The following DCC variants were observed in gnomAD, a reference collection of about 807,000 sequenced individuals.
DCC encodes the protein netrin receptor DCC.
DCC carries 58 observed loss-of-function variants against 172.5 expected under a neutral mutation model. That is an observed-to-expected ratio of 0.34 (90% confidence interval 0.27 to 0.42). The LOEUF (loss-of-function observed/expected upper bound fraction) is 0.42, where lower values mean the gene tolerates loss of function less well. Among genes scored for constraint, DCC ranks in the 10% least tolerant of loss-of-function variants. The pLI is 1.00. For missense variants in DCC, 1,740 were observed against 1,791.0 expected, an observed-to-expected ratio of 0.97 and a Z score of 0.51; for synonymous variants, 709 against 644.5, an observed-to-expected ratio of 1.10 and a Z score of -1.52.
chr18:53,218,696 T>C (rs2055888576), intron 12 of DCC, among the ~76,000 whole-genome samples: 1 of 152,126 alleles, frequency 6.6e-6, no homozygotes, highest in South Asian at 2.1e-4. Context: ...TTACAAGAAA[T>C]AGTATCTTTT....
intron 1 of DCC, among the ~76,000 whole-genome samples, chr18:52,628,819 C>T (rs149791254): frequency 7.4e-4 from 112 of 152,332 alleles, no homozygotes; most frequent in African/African-American, 2.6e-3. Flanking sequence ...GATTCAGAGT[C>T]ACTTCACCAC....
At chr18:53,428,302 T>C (rs1443123541) in intron 21 of DCC, among the ~76,000 whole-genome samples, 21 of 45,116 alleles carry the variant, frequency 4.7e-4, no homozygotes, top group Non-Finnish European at 4.5e-5. Flanking sequence ...TATAATAATA[T>C]ATAGAATATA....
chr18:52,617,235 G>A (rs982791730), intron 1 of DCC, among the ~76,000 whole-genome samples: 1 of 152,110 alleles, frequency 6.6e-6, no homozygotes, highest in Non-Finnish European at 1.5e-5. Context: ...ATTATTAAGT[G>A]TCTATTAAAA....
chr18:52,923,342 A>G (rs534425288), intron 3 of DCC, among the ~76,000 whole-genome samples: 3 of 152,298 alleles, frequency 2.0e-5, no homozygotes, highest in African/African-American at 7.2e-5. Flanking sequence ...AGTAGAATAG[A>G]TATTGGTGGT....
intron 15 of DCC, among the ~76,000 whole-genome samples, chr18:53,350,009 T>C (rs1216102778): frequency 6.6e-6 from 1 of 152,272 alleles, no homozygotes; most frequent in African/African-American, 2.4e-5. Flanking sequence ...AGTATAGTGT[T>C]CAACTTCTTA....
intron 2 of DCC, among the ~76,000 whole-genome samples, chr18:52,840,998 T>A (rs2038796279): frequency 6.6e-6 from 1 of 151,964 alleles, no homozygotes; most frequent in South Asian, 2.1e-4. Context: ...ATACAATGAC[T>A]GGGTGTGGAA....
At chr18:52,883,501 A>G (rs2039523814) in intron 2 of DCC, among the ~76,000 whole-genome samples, 1 of 151,542 alleles carries the variant, frequency 6.6e-6, no homozygotes, top group Non-Finnish European at 1.5e-5. Context: ...TGAGGTTACC[A>G]TGAGGCTTGC....
intron 2 of DCC, among the ~76,000 whole-genome samples, chr18:52,879,567 T>C (rs538288400): frequency 7.6e-4 from 116 of 151,810 alleles, no homozygotes. Context: ...GTAGAGCTGG[T>C]ATTACAAGCA....
intron 5 of DCC, among the ~76,000 whole-genome samples, chr18:52,975,628 G>T (rs532338924): frequency 6.6e-6 from 1 of 152,054 alleles, no homozygotes; most frequent in Admixed American, 6.6e-5. Context: ...TTCTGTTCCT[G>T]TGTTAGTTTG....
intron 8 of DCC, among the ~76,000 whole-genome samples, chr18:53,176,366 G>C (rs1360717711): frequency 4.3e-5 from 6 of 138,706 alleles, no homozygotes; most frequent in Admixed American, 7.4e-5. Flanking sequence ...CACAGCAAAA[G>C]AAACTACCAT....
chr18:52,849,618 G>A (rs115440397), intron 2 of DCC, among the ~76,000 whole-genome samples: 2,083 of 152,202 alleles, frequency 0.014, 33 homozygotes, highest in African/African-American at 0.047. Context: ...TCTCAGCTTT[G>A]TTTTAATAAA....
chr18:52,557,012 C>T (rs185242780), intron 1 of DCC, among the ~76,000 whole-genome samples: 13 of 152,284 alleles, frequency 8.5e-5, no homozygotes, highest in South Asian at 6.2e-4. Flanking sequence ...GATTGAAATA[C>T]GTAGCACGGT....
At chr18:52,838,441 GTTGTACACA>G (rs1568136079) in intron 2 of DCC, among the ~76,000 whole-genome samples, 25 of 152,078 alleles carry the variant, frequency 1.6e-4, no homozygotes, top group East Asian at 7.8e-4. Context: ...AAATTCTACA[GTTGTACACA>G]ATGTCAGTGA....
chr18:52,542,238 A>G (rs1268627832), intron 1 of DCC, among the ~76,000 whole-genome samples: 1 of 151,872 alleles, frequency 6.6e-6, no homozygotes, highest in African/African-American at 2.4e-5. Context: ...TAAATATTTA[A>G]TTCAATAGTA....
At chr18:52,882,860 T>G (rs914449713) in intron 2 of DCC, among the ~76,000 whole-genome samples, 3 of 152,078 alleles carry the variant, frequency 2.0e-5, no homozygotes, top group Non-Finnish European at 2.9e-5. Flanking sequence ...TGGGGTGTTG[T>G]CCAGCTGTTA....
chr18:53,341,723 A>G (rs567666427), intron 15 of DCC, among the ~76,000 whole-genome samples: 1 of 152,284 alleles, frequency 6.6e-6, no homozygotes, highest in South Asian at 2.1e-4. Context: ...TGTTTTCACT[A>G]TTTAGCCAAA....
chr18:53,178,127 G>A (rs2055137006), intron 8 of DCC, among the ~76,000 whole-genome samples: 1 of 152,112 alleles, frequency 6.6e-6, no homozygotes, highest in African/African-American at 2.4e-5. Context: ...TATATGTTAA[G>A]TTCCAATGAG....
intron 7 of DCC, 28 bp from the exon 8 acceptor site, chr18:53,157,328 C>A: frequency 6.2e-7 from 1 of 1,613,838 alleles, no homozygotes; most frequent in Non-Finnish European, 8.5e-7. Context: ...AGCGACACCT[C>A]TGATAGCCTC....
intron 5 of DCC, among the ~76,000 whole-genome samples, chr18:52,934,139 T>A (rs1348115984): frequency 6.6e-6 from 1 of 152,108 alleles, no homozygotes; most frequent in Admixed American, 6.6e-5. Flanking sequence ...AAAATGTACA[T>A]AACAGCAACT....
Sources: allele counts gnomAD v4.1 joint callset (sites outside exome capture counted in the v4.1 genomes callset), GRCh38; gene constraint gnomAD v4.1.1; transcripts MANE v1.5; gene names NCBI Gene and HGNC (gene_info 2026-07-23, HGNC 2026-07-21).